DPY19L4: variants seen among roughly 807,000 people sequenced by gnomAD.
DPY19L4 encodes the protein probable C-mannosyltransferase DPY19L4.
Under a neutral mutation model 102.8 loss-of-function variants are expected in DPY19L4, and 97 were observed. The ratio of observed to expected loss-of-function variants is 0.94; its 90% CI spans 0.80 to 1.12. DPY19L4 has a LOEUF of 1.12. Among genes scored for constraint, DPY19L4 ranks in the 50% most tolerant of loss-of-function variants. The pLI is 0.00. For synonymous variants in DPY19L4, 252 were observed against 283.1 expected (o/e 0.89, Z 1.10); for missense variants, 815 against 850.4 (o/e 0.96, Z 0.52).
In DPY19L4 at chr8:94,772,983, G is replaced by A. The variant is rs144486098; in HGVS notation, c.1454+2412G>A. Among the ~76,000 whole-genome samples, 18 of 152,128 alleles carry A rather than the reference G, an allele frequency of 1.2e-4. No individual in the cohort carries two copies. The East Asian group carries it at 3.1e-3, about 26-fold the overall frequency. ...TCCTAGGATTTTGGGGGCCTGAGGCGAGCGGATCACTTGAGGTCAGGAGTT... is the reference window on the plus strand; with the variant it reads ...TCCTAGGATTTTGGGGGCCTGAGGCAAGCGGATCACTTGAGGTCAGGAGTT... On this transcript the variant is annotated intron_variant, in intron 13 of 18. Transcript: ENST00000414645.
intron 7 of DPY19L4, among the ~76,000 whole-genome samples, chr8:94,758,226 G>A (rs530266751): frequency 1.2e-4 from 19 of 152,196 alleles, no homozygotes; most frequent in African/African-American, 4.3e-4. Flanking sequence ...GTGCGGTGGC[G>A]TGATCTAGGC....
At chr8:94,744,066 A>C (rs909068674) in intron 6 of DPY19L4, among the ~76,000 whole-genome samples, 91 of 152,356 alleles carry the variant, frequency 6.0e-4, no homozygotes, top group African/African-American at 2.1e-3. Flanking sequence ...TTATTGCTGC[A>C]TAACAAATCA....
chr8:94,778,645 A>G (rs536994973), intron 14 of DPY19L4, among the ~76,000 whole-genome samples: 1 of 151,730 alleles, frequency 6.6e-6, no homozygotes, highest in East Asian at 1.9e-4. Flanking sequence ...GGGAAGGGCT[A>G]CTCAATTCTG....
At chr8:94,724,455 G>GTTAAATTAA in intron 1 of DPY19L4, among the ~76,000 whole-genome samples, 1 of 152,312 alleles carries the variant, frequency 6.6e-6, no homozygotes, top group East Asian at 1.9e-4. Context: ...CTTTAACCTA[G>GTTAAATTAA]AGCAGGGGAA....
chr8:94,721,134 C>T (rs1025619335), intron 1 of DPY19L4, among the ~76,000 whole-genome samples: 1 of 152,104 alleles, frequency 6.6e-6, no homozygotes, highest in African/African-American at 2.4e-5. Context: ...TGAGTAGAGA[C>T]GGGGTTTCTC....
intron 13 of DPY19L4, among the ~76,000 whole-genome samples, chr8:94,775,291 C>T (rs1813127512): frequency 6.6e-6 from 1 of 152,096 alleles, no homozygotes; most frequent in African/African-American, 2.4e-5. Context: ...CCTGCCTCAG[C>T]CTCCAGAGTA....
chr8:94,740,974 C>A (rs1438184592), intron 6 of DPY19L4, among the ~76,000 whole-genome samples: 3 of 152,268 alleles, frequency 2.0e-5, no homozygotes, highest in African/African-American at 7.2e-5. Context: ...CTAACATAGT[C>A]CCCCTTTTTA....
intron 7 of DPY19L4, among the ~76,000 whole-genome samples, chr8:94,760,054 G>A (rs911583126): frequency 3.3e-5 from 5 of 152,198 alleles, no homozygotes; most frequent in Non-Finnish European, 7.3e-5. Flanking sequence ...CAAGGTCAGG[G>A]TAGGCAAGAC....
chr8:94,738,728 G>A (rs2130816762), intron 4 of DPY19L4, among the ~76,000 whole-genome samples: 1 of 151,892 alleles, frequency 6.6e-6, no homozygotes, highest in Middle Eastern at 3.4e-3. Context: ...TGGCCAGGCT[G>A]GTCTCGAACT....
intron 7 of DPY19L4, among the ~76,000 whole-genome samples, chr8:94,758,255 CT>C (rs1812251811): frequency 6.6e-6 from 1 of 152,160 alleles, no homozygotes; most frequent in African/African-American, 2.4e-5. Flanking sequence ...TTTTTGACCC[CT>C]CACCCAGCTT....
chr8:94,736,107 C>A (rs1479992936), intron 3 of DPY19L4, among the ~76,000 whole-genome samples: 1 of 152,118 alleles, frequency 6.6e-6, no homozygotes, highest in African/African-American at 2.4e-5. Flanking sequence ...TGGTTTATAG[C>A]AGGGATCATC....
At chr8:94,732,581 T>C (rs978189032) in intron 2 of DPY19L4, among the ~76,000 whole-genome samples, 2 of 152,124 alleles carry the variant, frequency 1.3e-5, no homozygotes, top group African/African-American at 4.8e-5. Context: ...TATATAACAG[T>C]TGTATGTGAT....
At chr8:94,771,564 A>G (rs1448283573) in intron 13 of DPY19L4, among the ~76,000 whole-genome samples, 1 of 152,238 alleles carries the variant, frequency 6.6e-6, no homozygotes, top group Non-Finnish European at 1.5e-5. Context: ...TGCTATAAGA[A>G]CATATAAAAC....
At chr8:94,760,589 T>TC (rs1812356042) in intron 7 of DPY19L4, among the ~76,000 whole-genome samples, 1 of 152,262 alleles carries the variant, frequency 6.6e-6, no homozygotes, top group Admixed American at 6.5e-5. Context: ...CTGGAATTTA[T>TC]CCTTGAGTAT....
intron 7 of DPY19L4, among the ~76,000 whole-genome samples, chr8:94,758,104 C>T (rs571857517): frequency 2.2e-4 from 33 of 152,012 alleles, no homozygotes; most frequent in Admixed American, 5.2e-4. Flanking sequence ...GAGTAAGACT[C>T]CATCTCCAAA....
chr8:94,739,537 A>G lies in DPY19L4; in HGVS notation c.465+3A>G. 1 of 1,599,142 alleles carries G rather than the reference A, an allele frequency of 6.3e-7. No homozygotes were observed. Among genetic ancestry groups the G allele is most frequent in the Non-Finnish European group, 8.5e-7 (1 of 1,175,854 alleles). ...TATATCAAGCCACTGGTAGCAATGT[A>G]TGTATTTTTCGTTGGACCCTAATAT... On this transcript the variant is annotated splice_donor_region_variant and intron_variant, in intron 5 of 18. Coordinates refer to ENST00000414645, the MANE Select transcript of DPY19L4 (RefSeq NM_181787.3).
chr8:94,772,097 C>T (rs1469048447), intron 13 of DPY19L4, among the ~76,000 whole-genome samples: 1 of 151,342 alleles, frequency 6.6e-6, no homozygotes, highest in African/African-American at 2.5e-5. Context: ...TTTAAACTTC[C>T]CTTGTTCCTG....
At chr8:94,757,927 ATGG>A (rs1178187003) in intron 7 of DPY19L4, among the ~76,000 whole-genome samples, 1 of 152,030 alleles carries the variant, frequency 6.6e-6, no homozygotes. Flanking sequence ...CCTGGCCAAC[ATGG>A]TGAACCCTCT....
intron 17 of DPY19L4, among the ~76,000 whole-genome samples, chr8:94,784,135 C>T (rs1452210924): frequency 1.3e-5 from 2 of 152,184 alleles, no homozygotes; most frequent in African/African-American, 4.8e-5. Context: ...CTGCAACCTC[C>T]GCTTCCTGGG....
Sources: allele counts gnomAD v4.1 joint callset (sites outside exome capture counted in the v4.1 genomes callset), GRCh38; gene constraint gnomAD v4.1.1; transcripts MANE v1.5; gene names NCBI Gene and HGNC (gene_info 2026-07-23, HGNC 2026-07-21).